ST6GALNAC3: variants seen among roughly 807,000 people sequenced by gnomAD.
The protein encoded by ST6GALNAC3 is alpha-N-acetylgalactosaminide alpha-2,6-sialyltransferase 3.
Under a neutral mutation model 32.7 loss-of-function variants are expected in ST6GALNAC3, and 25 were observed. The ratio of observed to expected loss-of-function variants is 0.76; its 90% confidence interval spans 0.56 to 1.07. The LOEUF (loss-of-function observed/expected upper bound fraction) is 1.07, where lower values mean the gene tolerates loss of function less well. Ranked by LOEUF, ST6GALNAC3 falls within the 50% of genes least tolerant of loss-of-function variation. The pLI is 0.00. For synonymous variants in ST6GALNAC3, 129 were observed against 133.1 expected, an observed-to-expected ratio of 0.97 and a Z score of 0.21; for missense variants, 355 against 382.4, an observed-to-expected ratio of 0.93 and a Z score of 0.60.
intron 3 of ST6GALNAC3, among the ~76,000 whole-genome samples, chr1:76,548,589 G>A (rs530283380): frequency 1.3e-5 from 2 of 152,290 alleles, no homozygotes; most frequent in East Asian, 1.9e-4. Flanking sequence ...TTTTCAGGAA[G>A]GAGAATAGTC....
chr1:76,318,821 C>G (rs1217934639), intron 2 of ST6GALNAC3, among the ~76,000 whole-genome samples: 1 of 152,096 alleles, frequency 6.6e-6, no homozygotes, highest in Admixed American at 6.6e-5. Flanking sequence ...TTAATTATAG[C>G]AGACAGAGGA....
chr1:76,556,395 G>A (rs1664926815), intron 3 of ST6GALNAC3, among the ~76,000 whole-genome samples: 1 of 151,886 alleles, frequency 6.6e-6, no homozygotes, highest in South Asian at 2.1e-4. Context: ...ATAAATACCT[G>A]CCTGTGAGTG....
At chr1:76,079,487 G>T (rs1302535176) in intron 1 of ST6GALNAC3, among the ~76,000 whole-genome samples, 1 of 152,164 alleles carries the variant, frequency 6.6e-6, no homozygotes, top group Admixed American at 6.5e-5. Flanking sequence ...AGTGGACATT[G>T]AGTGGACATG....
At chr1:76,224,869 C>A (rs1279798522) in intron 1 of ST6GALNAC3, among the ~76,000 whole-genome samples, 1 of 152,050 alleles carries the variant, frequency 6.6e-6, no homozygotes, top group African/African-American at 2.4e-5. Context: ...GAGTTGTGGT[C>A]CCCCGGAGAT....
rs544305840 is a variant in ST6GALNAC3, at chr1:76,575,154, T to C, written c.624-52298T>C. 2.6e-5 allele frequency among the ~76,000 whole-genome samples: 4 copies of C among 152,290 alleles called. No homozygotes were observed. In the South Asian group the frequency reaches 8.3e-4, roughly 32 times the overall value. Reference sequence around the variant, plus strand: ...TTGAGCCATAGCAACAGTTCACCTTTATATGCAGAGGAAATGGAAATCCAT... The same window carrying C: ...TTGAGCCATAGCAACAGTTCACCTTCATATGCAGAGGAAATGGAAATCCAT... On this transcript the variant is annotated intron_variant, in intron 3 of 4. Coordinates refer to ENST00000328299, the MANE Select transcript of ST6GALNAC3 (RefSeq NM_152996.4).
rs183630220 is a variant in ST6GALNAC3, at chr1:76,609,072, C to G, written c.624-18380C>G. Among the ~76,000 whole-genome samples, 203 of 152,246 alleles carry G rather than the reference C, an allele frequency of 1.3e-3. 2 individuals are homozygous for G. Among genetic ancestry groups the G allele is most frequent in the African/African-American group, 4.8e-3 (199 of 41,560 alleles). On this transcript the variant is annotated intron_variant, in intron 3 of 4. Transcript: ENST00000328299. ...GTTTTTGGAGCACAGTGGCTCACAC[C>G]TGTAATCCCAGCACTTGAGAAAACT...
At chr1:76,346,022 C>A (rs1288856955) in intron 2 of ST6GALNAC3, among the ~76,000 whole-genome samples, 1 of 151,892 alleles carries the variant, frequency 6.6e-6, no homozygotes, top group African/African-American at 2.4e-5. Flanking sequence ...ATGTCAGCCC[C>A]CACTACCATC....
chr1:76,409,811 T>A (rs922463359), intron 2 of ST6GALNAC3, among the ~76,000 whole-genome samples: 1 of 152,134 alleles, frequency 6.6e-6, no homozygotes, highest in Non-Finnish European at 1.5e-5. Flanking sequence ...GATGAGAATA[T>A]GGAGAATTTT....
chr1:76,492,408 G>T (rs996728422), intron 3 of ST6GALNAC3, among the ~76,000 whole-genome samples: 4 of 151,970 alleles, frequency 2.6e-5, no homozygotes, highest in Admixed American at 6.6e-5. Context: ...AAAAATATAG[G>T]TATAGTAAAA....
At chr1:76,395,841 G>C (rs1358290723) in intron 2 of ST6GALNAC3, among the ~76,000 whole-genome samples, 2 of 152,216 alleles carry the variant, frequency 1.3e-5, no homozygotes, top group East Asian at 3.9e-4. Flanking sequence ...TGGGGATGAA[G>C]AGAGGCTGGT....
At chr1:76,314,463 G>A (rs1273679987) in intron 2 of ST6GALNAC3, among the ~76,000 whole-genome samples, 2 of 152,126 alleles carry the variant, frequency 1.3e-5, no homozygotes, top group African/African-American at 4.8e-5. Context: ...AAAATTTGCA[G>A]TGGCTGCAGA....
intron 2 of ST6GALNAC3, among the ~76,000 whole-genome samples, chr1:76,348,240 T>G (rs1051980530): frequency 6.6e-6 from 1 of 152,194 alleles, no homozygotes; most frequent in Admixed American, 6.5e-5. Context: ...TAGTAGTGAC[T>G]GGTCTAGTCT....
At chr1:76,613,710 C>T (rs371392667) in intron 3 of ST6GALNAC3, among the ~76,000 whole-genome samples, 2 of 152,216 alleles carry the variant, frequency 1.3e-5, no homozygotes, top group African/African-American at 4.8e-5. Flanking sequence ...CCTTTTCTCT[C>T]TTCTTCCTGC....
intron 3 of ST6GALNAC3, among the ~76,000 whole-genome samples, chr1:76,447,762 G>A (rs1414566420): frequency 6.6e-6 from 1 of 152,180 alleles, no homozygotes; most frequent in South Asian, 2.1e-4. Context: ...TCCATGTGGT[G>A]TTGAGCCTGC....
rs1051055450 is a variant in ST6GALNAC3, at chr1:76,077,243, G to A, written c.18+2359G>A. On this transcript the variant is annotated intron_variant, in intron 1 of 4. Transcript: ENST00000328299. ...CCATTGCGTTACAGGGTTTTTATGA[G>A]GATAAAACTATGGACTTTTTTTTTT... Among the ~76,000 whole-genome samples the A allele has an allele frequency of 2.0e-5, 3 of 150,772 alleles. No homozygotes were observed. The Admixed American group carries it at 2.0e-4, about 10-fold the overall frequency.
At chr1:76,501,247 C>T (rs1404026584) in intron 3 of ST6GALNAC3, among the ~76,000 whole-genome samples, 4 of 152,156 alleles carry the variant, frequency 2.6e-5, no homozygotes, top group Non-Finnish European at 4.4e-5. Flanking sequence ...AAGGCCAGAG[C>T]CTGTTCAATG....
At chr1:76,339,193 G>A (rs1253977731) in intron 2 of ST6GALNAC3, among the ~76,000 whole-genome samples, 1 of 152,132 alleles carries the variant, frequency 6.6e-6, no homozygotes. Flanking sequence ...CTTTCATGGC[G>A]AAGGGGACTT....
intron 3 of ST6GALNAC3, among the ~76,000 whole-genome samples, chr1:76,433,761 C>T (rs1052147610): frequency 6.6e-6 from 1 of 152,102 alleles, no homozygotes; most frequent in Non-Finnish European, 1.5e-5. Context: ...TAGGCTCTTA[C>T]TGTCAATTGT....
intron 3 of ST6GALNAC3, among the ~76,000 whole-genome samples, chr1:76,572,177 A>AT (rs1427144197): frequency 1.3e-5 from 2 of 151,736 alleles, no homozygotes. Flanking sequence ...TTGGCTTTAT[A>AT]TTCTTTACAT....
Sources: allele counts gnomAD v4.1 joint callset (sites outside exome capture counted in the v4.1 genomes callset), GRCh38; gene constraint gnomAD v4.1.1; transcripts MANE v1.5; gene names NCBI Gene and HGNC (gene_info 2026-07-23, HGNC 2026-07-21).